NGEF: variants seen among roughly 807,000 people sequenced by gnomAD.
NGEF encodes ephexin-1.
NGEF carries 31 observed loss-of-function variants against 80.9 expected under a neutral mutation model. The ratio of observed to expected loss-of-function variants is 0.38; its 90% CI spans 0.29 to 0.52. The LOEUF is 0.52. Among genes scored for constraint, NGEF ranks in the 20% least tolerant of loss-of-function variants. The probability of loss-of-function intolerance (pLI) is 0.84; values close to 1 mark genes in which losing one functional copy is unlikely to be tolerated. For synonymous variants in NGEF, 371 were observed against 370.2 expected (o/e 1.00, Z -0.03); for missense variants, 709 against 926.2 (o/e 0.77, Z 3.04).
At chr2:232,880,769 T>A (rs1426610503) in intron 14 of NGEF, among the ~76,000 whole-genome samples, 1 of 16,454 alleles carries the variant, frequency 6.1e-5, no homozygotes, top group Admixed American at 6.6e-4. Flanking sequence ...AAGCTGCAAG[T>A]ACAGGTCTGG....
intron 3 of NGEF, among the ~76,000 whole-genome samples, chr2:232,969,527 T>A (rs1390487320): frequency 1.4e-5 from 2 of 143,206 alleles, no homozygotes; most frequent in African/African-American, 5.2e-5. Context: ...CTTCATTTTT[T>A]TGAGACAGTC....
chr2:232,894,756 C>A lies in NGEF; in HGVS notation c.989G>T (p.Arg330Leu). The A allele has an allele frequency of 6.3e-7, 1 of 1,576,006 alleles. No homozygotes were observed. Among genetic ancestry groups the A allele is most frequent in the South Asian group, 1.1e-5 (1 of 88,886 alleles). The change falls in exon 6 of 15, where the codon CGG becomes CTG. Residue 330 changes from arginine (R) to leucine (L), a missense_variant and splice_region_variant. This residue lies in a region of NGEF where 426 missense variants were observed against 622.9 expected (regional missense o/e 0.68). Transcript: ENST00000264051. ...AGGTGGCTGTCCCCCCCGTCCTCAC[C>A]GCTCACTGACAGCCAGCACGTCCAG... ...NVLDVLAVSE[R>L]FLLELEHRME...
intron 13 of NGEF, among the ~76,000 whole-genome samples, chr2:232,881,834 C>T (rs1245167515): frequency 6.6e-6 from 1 of 152,198 alleles, no homozygotes; most frequent in Non-Finnish European, 1.5e-5. Context: ...GCCTCGGCCT[C>T]CCAAAATTCT....
rs1691911543 is a variant in NGEF at position 232,892,378 on chromosome 2, A to G, written c.1142+520T>C. 1.3e-5 allele frequency among the ~76,000 whole-genome samples: 2 copies of G among 152,144 alleles called. No homozygotes were observed. Among genetic ancestry groups the G allele is most frequent in the South Asian group, 2.1e-4 (1 of 4,822 alleles). On this transcript the variant is annotated intron_variant, in intron 7 of 14. Transcript: ENST00000264051. The surrounding 1 kb of genome is among the most constrained non-coding windows in gnomAD (Gnocchi z 4.0). ...CTGAAGTGCGAACCTCAGTGCGCAG[A>G]ATTCAGAAGAGGCACGCTGGCTGGA...
chr2:232,954,466 C>T (rs1693754130), intron 3 of NGEF, among the ~76,000 whole-genome samples: 1 of 152,134 alleles, frequency 6.6e-6, no homozygotes, highest in South Asian at 2.1e-4. Context: ...TGGCTCACAC[C>T]TGTAATCCCA....
chr2:232,981,462 C>T (rs904052003), intron 1 of NGEF, among the ~76,000 whole-genome samples: 11 of 152,128 alleles, frequency 7.2e-5, no homozygotes, highest in Admixed American at 5.2e-4. Context: ...ACCCTCCCCA[C>T]GTTGCTCCTG....
intron 3 of NGEF, among the ~76,000 whole-genome samples, chr2:232,965,053 A>G (rs1031243846): frequency 5.3e-5 from 8 of 152,258 alleles, no homozygotes; most frequent in African/African-American, 1.7e-4. Flanking sequence ...ATAAAGCATT[A>G]TTTAAATCAC....
intron 3 of NGEF, among the ~76,000 whole-genome samples, chr2:232,967,495 G>A (rs116521508): frequency 0.27 from 40,563 of 151,620 alleles, 5,860 homozygotes; most frequent in Non-Finnish European, 0.31. Context: ...CTACCATCCC[G>A]GACTTATTTT....
intron 3 of NGEF, among the ~76,000 whole-genome samples, chr2:232,950,557 C>G (rs1457978324): frequency 6.6e-6 from 1 of 152,110 alleles, no homozygotes; most frequent in Non-Finnish European, 1.5e-5. Context: ...AGAGGAGCCT[C>G]CCAGGGCCTT....
chr2:232,926,213 G>A lies in NGEF; in HGVS notation c.526+831C>T, dbSNP rs181878152. On this transcript the variant is annotated intron_variant, in intron 4 of 14. Transcript: ENST00000264051. ...ATTTTTATTTAACAGATAGACTGTC[G>A]GCTGCTCTGACAACAATGAAGAACG... Among the ~76,000 whole-genome samples, 14 of 152,222 alleles carry A rather than the reference G, an allele frequency of 9.2e-5. 1 individual carries two copies. The highest frequency in any genetic ancestry group is 5.9e-5 in the Non-Finnish European group (4 of 68,016).
chr2:233,009,170 C>A (rs116398079), intron 1 of NGEF, among the ~76,000 whole-genome samples: 8 of 152,262 alleles, frequency 5.3e-5, no homozygotes, highest in Admixed American at 5.2e-4. Context: ...TTCATCCCTG[C>A]GTCCCTGCTC....
chr2:233,004,310 C>T (rs1339915031), intron 1 of NGEF, among the ~76,000 whole-genome samples: 1 of 152,118 alleles, frequency 6.6e-6, no homozygotes. Context: ...TGACCCCTCC[C>T]ATGCTCCCTG....
intron 1 of NGEF, among the ~76,000 whole-genome samples, chr2:232,997,450 G>A (rs2106340791): frequency 6.6e-6 from 1 of 152,250 alleles, no homozygotes; most frequent in Non-Finnish European, 1.5e-5. Flanking sequence ...AACTGTCAAA[G>A]TGAAGTGAAG....
intron 6 of NGEF, among the ~76,000 whole-genome samples, chr2:232,893,442 G>GA (rs1427078021): frequency 6.6e-6 from 1 of 152,210 alleles, no homozygotes; most frequent in Non-Finnish European, 1.5e-5. Context: ...TGCATGTTTG[G>GA]AATTTTCCAC....
At chr2:232,961,395 G>T (rs940696298) in intron 3 of NGEF, among the ~76,000 whole-genome samples, 1 of 152,304 alleles carries the variant, frequency 6.6e-6, no homozygotes, top group African/African-American at 2.4e-5. Flanking sequence ...CCACTGATGA[G>T]GTGGGAATGG....
At chr2:232,936,202 T>G (rs553222149) in intron 3 of NGEF, among the ~76,000 whole-genome samples, 255 of 152,366 alleles carry the variant, frequency 1.7e-3, no homozygotes, top group South Asian at 9.7e-3. Flanking sequence ...TAAATTGTTT[T>G]GTTGTGTGGC....
chr2:232,899,679 GTCAC>G (rs1413654424), intron 5 of NGEF, among the ~76,000 whole-genome samples: 3 of 112,446 alleles, frequency 2.7e-5, no homozygotes, highest in Non-Finnish European at 5.3e-5. Context: ...TGCTCTCACA[GTCAC>G]TCATACACAC....
Position 232,974,964 on chromosome 2 carries a change from G to A in NGEF, c.-74C>T. 2 of 1,474,932 alleles carry A rather than the reference G, an allele frequency of 1.4e-6. No individual in the cohort carries two copies. 91.4% of individuals were successfully genotyped at this position (1,474,932 alleles called of 1,614,324 possible). On this transcript the variant is annotated splice_region_variant and 5_prime_UTR_variant, in exon 2 of 15. Transcript: ENST00000264051. The stretch of plus-strand genomic sequence containing the variant: ...TTTCCCAAGCTTCACTGGTTTGAGT[G>A]CTTTAGAATAGATAGAAAACAATTT...
chr2:232,972,941 G>C (rs35466547), intron 2 of NGEF, among the ~76,000 whole-genome samples: 1 of 151,890 alleles, frequency 6.6e-6, no homozygotes, highest in Non-Finnish European at 1.5e-5. Flanking sequence ...ATTTTTAGTA[G>C]AGATGGAGTT....
Sources: allele counts gnomAD v4.1 joint callset (sites outside exome capture counted in the v4.1 genomes callset), GRCh38; gene constraint gnomAD v4.1.1; regional missense constraint gnomAD v4.1.1; non-coding constraint Gnocchi (gnomAD v3.1); transcripts MANE v1.5; gene names NCBI Gene and HGNC (gene_info 2026-07-23, HGNC 2026-07-21).